UPP2: variants seen among roughly 807,000 people sequenced by gnomAD.
The protein encoded by UPP2 is UPase 2.
A neutral mutation model predicts 26.7 loss-of-function variants in UPP2; 23 were observed. That is an observed-to-expected ratio of 0.86 (90% confidence interval 0.62 to 1.22). The LOEUF is 1.22. UPP2 is among the 50% of genes most tolerant of loss of function. The probability of loss-of-function intolerance (pLI) is 0.00; values close to 1 mark genes in which losing one functional copy is unlikely to be tolerated. For synonymous variants in UPP2, 127 were observed against 141.3 expected (o/e 0.90, Z 0.72); for missense variants, 387 against 396.7 (o/e 0.98, Z 0.21).
At chr2:158,085,803 T>A (rs1194853709) in intron 3 of UPP2, among the ~76,000 whole-genome samples, 1 of 152,196 alleles carries the variant, frequency 6.6e-6, no homozygotes, top group Non-Finnish European at 1.5e-5. Context: ...GTGTATCACA[T>A]TTATTGACTT....
chr2:158,094,837 C>T (rs1682961930), intron 3 of UPP2, among the ~76,000 whole-genome samples: 1 of 152,172 alleles, frequency 6.6e-6, no homozygotes, highest in Non-Finnish European at 1.5e-5. Context: ...AAATCACCCC[C>T]TCTCCCTTCA....
rs903161065 is a variant in UPP2 at position 158,118,724 on chromosome 2, T to C, written c.454+786T>C. Among the ~76,000 whole-genome samples, 3 of 151,990 alleles carry C rather than the reference T, an allele frequency of 2.0e-5. 1 individual carries two copies. Among genetic ancestry groups the C allele is most frequent in the Admixed American group, 6.5e-5 (1 of 15,272 alleles). On this transcript the variant is annotated intron_variant, in intron 4 of 6. Coordinates refer to ENST00000005756, the MANE Select transcript of UPP2 (RefSeq NM_173355.4). ...GGGCGATAGAACTGAATGGGCATTATAAAAAGGGCTGAGATTTGGGAAGAG... is the reference window on the plus strand; with the variant it reads ...GGGCGATAGAACTGAATGGGCATTACAAAAAGGGCTGAGATTTGGGAAGAG...
intron 6 of UPP2, 104 bp from the exon 7 acceptor site, chr2:158,134,644 A>T: frequency 1.5e-6 from 2 of 1,342,710 alleles, no homozygotes; most frequent in Non-Finnish European, 1.9e-6. Flanking sequence ...AACAACAAAA[A>T]TACACAAAAG....
At chr2:157,998,922 C>A (rs1683363979) in intron 2 of UPP2, among the ~76,000 whole-genome samples, 2 of 152,090 alleles carry the variant, frequency 1.3e-5, no homozygotes, top group African/African-American at 4.8e-5. Context: ...TTGTTCCTGT[C>A]CTCTCTTCTC....
intron 3 of UPP2, among the ~76,000 whole-genome samples, chr2:158,016,520 T>A (rs1256829647): frequency 6.6e-6 from 1 of 152,024 alleles, no homozygotes; most frequent in East Asian, 1.9e-4. Flanking sequence ...TTTGTATTTT[T>A]AGTAGAGACA....
upstream of UPP2, among the ~76,000 whole-genome samples, chr2:158,101,200 C>A (rs2105209811): frequency 6.6e-6 from 1 of 152,276 alleles, no homozygotes; most frequent in South Asian, 2.1e-4. Flanking sequence ...ATGAAGTTGT[C>A]TAGTTTTCTA....
intron 2 of UPP2, among the ~76,000 whole-genome samples, chr2:158,007,262 G>A (rs16842385): frequency 0.024 from 3,691 of 152,218 alleles, 138 homozygotes; most frequent in African/African-American, 0.084. Context: ...ACACCAAGTC[G>A]GAGAGACAAA....
At chr2:158,122,407 T>C (rs1683589409) in intron 5 of UPP2, among the ~76,000 whole-genome samples, 2 of 152,244 alleles carry the variant, frequency 1.3e-5, no homozygotes, top group African/African-American at 2.4e-5. Flanking sequence ...ATATTATCTA[T>C]ACATTTTACT....
chr2:158,100,628 G>A (rs533884394), upstream of UPP2, among the ~76,000 whole-genome samples: 3 of 152,294 alleles, frequency 2.0e-5, no homozygotes, highest in East Asian at 5.8e-4. Context: ...GGAGGTAAGA[G>A]ACAGATGTAT....
intron 6 of UPP2, among the ~76,000 whole-genome samples, chr2:158,129,269 A>G (rs1254526926): frequency 6.6e-6 from 1 of 152,072 alleles, no homozygotes; most frequent in African/African-American, 2.4e-5. Flanking sequence ...ACCTCCAGTA[A>G]GTACACAAGG....
intron 3 of UPP2, among the ~76,000 whole-genome samples, chr2:158,042,934 G>A (rs1464775960): frequency 6.6e-6 from 1 of 152,136 alleles, no homozygotes; most frequent in East Asian, 1.9e-4. Context: ...CCAGGCCTGG[G>A]CCTGTGAAGC....
intron 3 of UPP2, among the ~76,000 whole-genome samples, chr2:158,085,635 G>A (rs1206631368): frequency 6.6e-6 from 1 of 152,060 alleles, no homozygotes; most frequent in Non-Finnish European, 1.5e-5. Context: ...GTTGGCTGTG[G>A]GTTTGTCATA....
At chr2:158,012,221 G>A (rs922894539) in intron 2 of UPP2, among the ~76,000 whole-genome samples, 1 of 150,516 alleles carries the variant, frequency 6.6e-6, no homozygotes, top group African/African-American at 2.4e-5. Context: ...ATAAGCATGA[G>A]GAAGTTTCAA....
chr2:158,123,261 G>T (rs1001064983), intron 5 of UPP2, among the ~76,000 whole-genome samples: 4 of 152,196 alleles, frequency 2.6e-5, no homozygotes, highest in Non-Finnish European at 4.4e-5. Flanking sequence ...TGTGCGGAAA[G>T]GGGGAAGGTG....
chr2:158,048,064 A>C (rs1682065486), intron 3 of UPP2, among the ~76,000 whole-genome samples: 1 of 152,188 alleles, frequency 6.6e-6, no homozygotes, highest in Admixed American at 6.5e-5. Flanking sequence ...CAACCAGAGA[A>C]GGATTAAGGG....
intron 6 of UPP2, chr2:158,133,614 T>G (rs886159972): frequency 2.0e-5 from 3 of 152,206 alleles, no homozygotes; most frequent in African/African-American, 7.2e-5. Context: ...AACATCACAT[T>G]GTACCTCATA....
At chr2:158,013,898 G>C (rs1683618560) in intron 2 of UPP2, among the ~76,000 whole-genome samples, 1 of 152,142 alleles carries the variant, frequency 6.6e-6, no homozygotes, top group Non-Finnish European at 1.5e-5. Context: ...CACAGACAGG[G>C]ACTTCCCAAG....
intron 3 of UPP2, among the ~76,000 whole-genome samples, chr2:158,045,713 G>A (rs1684143515): frequency 6.6e-6 from 1 of 152,194 alleles, no homozygotes; most frequent in Non-Finnish European, 1.5e-5. Context: ...TTCTCAGTAA[G>A]CGTGTTTTGA....
chr2:158,019,916 A>T (rs1443731480), intron 3 of UPP2, among the ~76,000 whole-genome samples: 1 of 152,196 alleles, frequency 6.6e-6, no homozygotes, highest in Non-Finnish European at 1.5e-5. Flanking sequence ...CAAAAGAAAA[A>T]GTCGATTTTA....
Sources: allele counts gnomAD v4.1 joint callset (sites outside exome capture counted in the v4.1 genomes callset), GRCh38; gene constraint gnomAD v4.1.1; transcripts MANE v1.5; gene names NCBI Gene and HGNC (gene_info 2026-07-23, HGNC 2026-07-21).